The following SH3RF3 variants were observed in gnomAD, a reference collection of about 807,000 sequenced individuals.
SH3RF3 encodes the protein E3 ubiquitin-protein ligase SH3RF3.
SH3RF3 carries 29 observed loss-of-function variants against 66.3 expected under a neutral mutation model. The ratio of observed to expected loss-of-function variants is 0.44; its 90% CI spans 0.33 to 0.60. The LOEUF (loss-of-function observed/expected upper bound fraction) is 0.60, where lower values mean the gene tolerates loss of function less well. Ranked by LOEUF, SH3RF3 falls within the 20% of genes least tolerant of loss-of-function variation. The pLI is 0.04. For missense variants in SH3RF3, 1,194 were observed against 1,190.9 expected (o/e 1.00, Z -0.04); for synonymous variants, 583 against 532.0 (o/e 1.10, Z -1.32).
chr2:109,314,672 A>C (rs1004975123), intron 1 of SH3RF3, among the ~76,000 whole-genome samples: 3 of 152,250 alleles, frequency 2.0e-5, no homozygotes, highest in Non-Finnish European at 4.4e-5. Context: ...CTTTACATGC[A>C]TAAGGCAAAC....
At chr2:109,201,048 T>C (rs1369069563) in intron 1 of SH3RF3, among the ~76,000 whole-genome samples, 2 of 152,162 alleles carry the variant, frequency 1.3e-5, no homozygotes, top group Non-Finnish European at 1.5e-5. Context: ...CCCTGTGAGC[T>C]GGAGCTCCAG....
intron 4 of SH3RF3, among the ~76,000 whole-genome samples, chr2:109,404,540 C>T (rs1026386683): frequency 6.6e-5 from 10 of 152,090 alleles, no homozygotes; most frequent in Admixed American, 5.2e-4. Flanking sequence ...GCCACAAGCA[C>T]AGTCAAGGTC....
At chr2:109,354,114 G>A (rs113623630) in intron 2 of SH3RF3, among the ~76,000 whole-genome samples, 1,590 of 152,344 alleles carry the variant, frequency 0.01, 17 homozygotes, top group Middle Eastern at 0.027. Context: ...ACAGTTTTGG[G>A]TTATTTCTGC....
At chr2:109,412,312 A>C (rs1242858956) in intron 4 of SH3RF3, among the ~76,000 whole-genome samples, 3 of 152,074 alleles carry the variant, frequency 2.0e-5, no homozygotes, top group African/African-American at 7.2e-5. Flanking sequence ...GGACATTGGG[A>C]GGTGGAGATC....
At chr2:109,206,126 C>G (rs559575248) in intron 1 of SH3RF3, among the ~76,000 whole-genome samples, 8 of 152,110 alleles carry the variant, frequency 5.3e-5, no homozygotes, top group Non-Finnish European at 1.0e-4. Flanking sequence ...CCCCTCTCTC[C>G]CTGGAGGTTT....
intron 1 of SH3RF3, among the ~76,000 whole-genome samples, chr2:109,298,311 A>G (rs1415800960): frequency 1.5e-5 from 1 of 68,454 alleles, no homozygotes; most frequent in Non-Finnish European, 3.7e-5. Flanking sequence ...GCGGGAAGGG[A>G]AGCGCATCTA....
At chr2:109,353,767 A>G (rs556297830) in intron 2 of SH3RF3, among the ~76,000 whole-genome samples, 1 of 152,258 alleles carries the variant, frequency 6.6e-6, no homozygotes, top group African/African-American at 2.4e-5. Context: ...AAGACGAGAG[A>G]GTCTCCCCTG....
intron 1 of SH3RF3, among the ~76,000 whole-genome samples, chr2:109,337,203 T>A (rs559603028): frequency 1.3e-4 from 20 of 152,160 alleles, no homozygotes; most frequent in Non-Finnish European, 2.5e-4. Context: ...GCCACATGAT[T>A]TAAAGATTTG....
chr2:109,431,557 TCA>T (rs925396216), intron 5 of SH3RF3, among the ~76,000 whole-genome samples: 1 of 152,228 alleles, frequency 6.6e-6, no homozygotes, highest in African/African-American at 2.4e-5. Flanking sequence ...GCTGGGATTT[TCA>T]CCACTAAATT....
chr2:109,466,130 A>G (rs1173837356), intron 8 of SH3RF3, among the ~76,000 whole-genome samples: 1 of 118,706 alleles, frequency 8.4e-6, no homozygotes, highest in Non-Finnish European at 1.6e-5. Context: ...CCCAGGCTGG[A>G]GTGCAGCAGT....
chr2:109,344,508 C>T (rs373416549), intron 1 of SH3RF3, among the ~76,000 whole-genome samples: 40 of 152,316 alleles, frequency 2.6e-4, no homozygotes, highest in African/African-American at 9.1e-4. Context: ...CCGAGGAGCT[C>T]GGATCCCCTG....
intron 1 of SH3RF3, among the ~76,000 whole-genome samples, chr2:109,221,625 G>A (rs188935981): frequency 6.7e-6 from 1 of 150,252 alleles, no homozygotes; most frequent in Admixed American, 6.6e-5. Flanking sequence ...CTGATGGTTA[G>A]TAATGTTGAG....
chr2:109,499,205 G>A (rs1434524902), intron 9 of SH3RF3, among the ~76,000 whole-genome samples: 2 of 152,172 alleles, frequency 1.3e-5, no homozygotes, highest in Non-Finnish European at 1.5e-5. Flanking sequence ...AGCCGCGGGG[G>A]CCGTGTCTCC....
intron 1 of SH3RF3, among the ~76,000 whole-genome samples, chr2:109,331,679 T>C (rs1304394426): frequency 6.6e-6 from 1 of 151,344 alleles, no homozygotes; most frequent in Non-Finnish European, 1.5e-5. Flanking sequence ...TAGAGATGTT[T>C]TTATCTATTT....
rs1277560801 is a variant in SH3RF3 at position 109,490,652 on chromosome 2, C to T, written c.2196C>T (p.Thr732=). 2.0e-6 allele frequency: 3 copies of T among 1,506,120 alleles called. No homozygotes were observed. Among genetic ancestry groups the T allele is most frequent in the African/African-American group, 2.8e-5 (2 of 71,858 alleles). The allele number at this position is 1,506,120 out of a possible 1,614,324, so 93.3% of individuals were successfully genotyped here. A position where few individuals can be genotyped will look rare whatever the true frequency, so the allele number is the denominator to read the frequency against. The change falls in exon 9 of 10, where the codon ACC becomes ACT. Residue 732 remains threonine (T), a synonymous_variant. Coordinates refer to ENST00000309415, the MANE Select transcript of SH3RF3 (RefSeq NM_001099289.3). ...TGAAGCTTCTAGCCGGAGCATCCAC[C>T]AAGAAGAAGTCACGCTCCCCGCCAT... ...GLLKLLAGAS[T]KKKSRSPPSV...
chr2:109,330,968 G>A (rs779171416), intron 1 of SH3RF3, among the ~76,000 whole-genome samples: 11 of 152,188 alleles, frequency 7.2e-5, no homozygotes, highest in Non-Finnish European at 1.5e-4. Flanking sequence ...TTGAATAAAG[G>A]TTGTGCCATG....
At chr2:109,374,350 C>T (rs1168142881) in intron 3 of SH3RF3, among the ~76,000 whole-genome samples, 1 of 152,184 alleles carries the variant, frequency 6.6e-6, no homozygotes, top group Non-Finnish European at 1.5e-5. Context: ...CTCCCGGACT[C>T]TCAGCAGCCA....
intron 1 of SH3RF3, among the ~76,000 whole-genome samples, chr2:109,285,894 CCTT>C: frequency 6.6e-6 from 1 of 152,338 alleles, no homozygotes; most frequent in South Asian, 2.1e-4. Flanking sequence ...CAGCGTGCCT[CCTT>C]CTACTGCATT....
intron 1 of SH3RF3, among the ~76,000 whole-genome samples, chr2:109,212,497 G>T (rs1340120490): frequency 6.6e-6 from 1 of 152,184 alleles, no homozygotes; most frequent in Non-Finnish European, 1.5e-5. Flanking sequence ...GAGGCTTTCC[G>T]ACAGCTCCAG....
Sources: allele counts gnomAD v4.1 joint callset (sites outside exome capture counted in the v4.1 genomes callset), GRCh38; gene constraint gnomAD v4.1.1; transcripts MANE v1.5; gene names NCBI Gene and HGNC (gene_info 2026-07-23, HGNC 2026-07-21).